C12orf54: variants seen among roughly 807,000 people sequenced by gnomAD.
C12orf54 encodes uncharacterized protein C12orf54.
C12orf54 carries 24 observed loss-of-function variants against 26.4 expected under a neutral mutation model. The observed-to-expected ratio is 0.91, with a 90% CI of 0.66 to 1.28. C12orf54 has a LOEUF of 1.28. Among genes scored for constraint, C12orf54 ranks in the 50% most tolerant of loss-of-function variants. The pLI is 0.00. For synonymous variants in C12orf54, 54 were observed against 47.0 expected (o/e 1.15, Z -0.61); for missense variants, 154 against 150.9 (o/e 1.02, Z -0.11).
chr12:48,439,074 AC>A, the C12orf54 span, among the ~76,000 whole-genome samples: 1 of 152,106 alleles, frequency 6.6e-6, no homozygotes, highest in Non-Finnish European at 1.5e-5. Flanking sequence ...AAAACAAACA[AC>A]CCCATCAAAA....
chr12:48,464,807 C>T, the C12orf54 span, among the ~76,000 whole-genome samples: 2 of 152,106 alleles, frequency 1.3e-5, no homozygotes, highest in Non-Finnish European at 2.9e-5. Context: ...CTGACAAAAA[C>T]AAGCAATGAG....
the C12orf54 span, among the ~76,000 whole-genome samples, chr12:48,465,756 T>C: frequency 1.3e-5 from 2 of 152,150 alleles, no homozygotes; most frequent in Non-Finnish European, 1.5e-5. Flanking sequence ...GATCATGTCC[T>C]TTGCAGTAAC....
At chr12:48,449,318 G>A in the C12orf54 span, among the ~76,000 whole-genome samples, 1 of 152,110 alleles carries the variant, frequency 6.6e-6, no homozygotes, top group African/African-American at 2.4e-5. Flanking sequence ...CCCCCACAAA[G>A]GATGGCTTCA....
intron 2 of C12orf54, 46 bp downstream of exon 2, chr12:48,483,407 C>G: frequency 6.4e-7 from 1 of 1,573,356 alleles, no homozygotes; most frequent in Non-Finnish European, 8.7e-7. Flanking sequence ...GATTGCTATA[C>G]TCTATGGGAG....
the C12orf54 span, chr12:48,473,082 C>T: frequency 8.7e-6 from 14 of 1,613,918 alleles, no homozygotes; most frequent in Admixed American, 3.3e-5. Flanking sequence ...CAAGCTCCTC[C>T]TGCAACTCAC....
chr12:48,439,754 G>C, the C12orf54 span, among the ~76,000 whole-genome samples: 1,072 of 152,226 alleles, frequency 7.0e-3, 6 homozygotes, highest in Admixed American at 0.015. Flanking sequence ...TTGTGGGGTG[G>C]TGGGAGTGGG....
intron 7 of C12orf54, 143 bp downstream of exon 7, chr12:48,493,138 A>G: frequency 1.4e-6 from 1 of 703,202 alleles, no homozygotes. Flanking sequence ...CTCCCCACCC[A>G]ACTGTGTCTA....
chr12:48,429,393 C>A, the C12orf54 span, among the ~76,000 whole-genome samples: 1 of 151,804 alleles, frequency 6.6e-6, no homozygotes, highest in Middle Eastern at 3.2e-3. Context: ...AGTTTGCTGA[C>A]GATATGACTG....
At chr12:48,480,430 A>G (rs1954186904), upstream of C12orf54, among the ~76,000 whole-genome samples, 1 of 151,312 alleles carries the variant, frequency 6.6e-6, no homozygotes, top group South Asian at 2.1e-4. Flanking sequence ...CTCTGTTGAG[A>G]ATTTTTGCTG....
At chr12:48,424,916 G>A in the C12orf54 span, among the ~76,000 whole-genome samples, 2 of 151,970 alleles carry the variant, frequency 1.3e-5, no homozygotes, top group African/African-American at 4.8e-5. Flanking sequence ...AGGGCCAAGG[G>A]GTGGGAGGAG....
chr12:48,494,697 G>A, intron 7 of C12orf54, 101 bp from the exon 8 acceptor site: 1 of 1,260,948 alleles, frequency 7.9e-7, no homozygotes, highest in Non-Finnish European at 1.1e-6. Context: ...TCTTGGGGGA[G>A]TGTAATAATA....
intron 5 of C12orf54, among the ~76,000 whole-genome samples, chr12:48,489,740 TTG>T (rs1348737651): frequency 2.7e-4 from 41 of 151,394 alleles, no homozygotes; most frequent in African/African-American, 9.7e-4. Context: ...TTTTTTTTTT[TTG>T]AGACAGTCTT....
the C12orf54 span, among the ~76,000 whole-genome samples, chr12:48,474,959 C>T: frequency 0.15 from 22,480 of 152,192 alleles, 2,888 homozygotes; most frequent in East Asian, 0.66. Flanking sequence ...CTCAAGTGGG[C>T]CCCTGACCCC....
At chr12:48,427,693 A>G in the C12orf54 span, among the ~76,000 whole-genome samples, 1 of 152,108 alleles carries the variant, frequency 6.6e-6, no homozygotes. Context: ...TACTAGAACT[A>G]AGAAATGAGA....
the C12orf54 span, among the ~76,000 whole-genome samples, chr12:48,457,677 G>A: frequency 7.7e-3 from 1,175 of 152,238 alleles, 9 homozygotes; most frequent in African/African-American, 0.027. Flanking sequence ...TGTCTCTAAT[G>A]GGATGGGGAA....
chr12:48,433,465 G>C, the C12orf54 span, among the ~76,000 whole-genome samples: 3 of 131,524 alleles, frequency 2.3e-5, no homozygotes, highest in East Asian at 2.2e-4. Context: ...TGGGGGGGGG[G>C]GGGGCAGGAT....
intron 5 of C12orf54, among the ~76,000 whole-genome samples, chr12:48,489,685 G>T (rs2731098): frequency 0.2 from 29,992 of 151,528 alleles, 3,306 homozygotes; most frequent in South Asian, 0.3. Flanking sequence ...CCAAAGTGCT[G>T]GGATTACAGG....
At chr12:48,478,899 C>A (rs1416431697), upstream of C12orf54, among the ~76,000 whole-genome samples, 1 of 152,164 alleles carries the variant, frequency 6.6e-6, no homozygotes, top group Admixed American at 6.5e-5. Flanking sequence ...GAAACAGGAA[C>A]ACTTTTACAC....
the C12orf54 span, chr12:48,472,603 G>T: frequency 1.3e-6 from 2 of 1,594,716 alleles, no homozygotes; most frequent in Admixed American, 3.5e-5. Context: ...TGCGGTTGTG[G>T]GTTCGGGGTT....
Sources: gnomAD v4.1 joint callset for allele counts (sites outside exome capture counted in the v4.1 genomes callset) on GRCh38, gnomAD v4.1.1 for gene constraint, MANE v1.5 for transcripts, NCBI Gene and HGNC (gene_info 2026-07-23, HGNC 2026-07-21) for gene names.